Variants in FBXW7 observed in about 807,000 individuals in gnomAD.
FBXW7 encodes the protein F-box/WD repeat-containing protein 7.
Under a neutral mutation model 86.3 loss-of-function variants are expected in FBXW7, and 11 were observed. That is an observed-to-expected ratio of 0.13 (90% CI 0.08 to 0.21). FBXW7 has a LOEUF of 0.21. Among genes scored for constraint, FBXW7 ranks in the 10% least tolerant of loss-of-function variants. The pLI is 1.00. For synonymous variants in FBXW7, 313 were observed against 297.9 expected (o/e 1.05, Z -0.52); for missense variants, 488 against 847.4 (o/e 0.58, Z 5.27).
At chr4:152,324,439 C>T (rs1183238907) in intron 12 of FBXW7, 45 bp from the exon 13 acceptor site, 1 of 1,447,036 alleles carries the variant, frequency 6.9e-7, no homozygotes, top group Admixed American at 2.0e-5. Flanking sequence ...GGATACTCTT[C>T]CTATCAATTA....
intron 6 of FBXW7, among the ~76,000 whole-genome samples, chr4:152,345,182 A>C (rs1190359478): frequency 6.6e-6 from 1 of 152,140 alleles, no homozygotes; most frequent in East Asian, 1.9e-4. Flanking sequence ...TTGACGGATA[A>C]ATTTCCTTTT....
chr4:152,498,708 G>GA (rs1746616028), intron 2 of FBXW7, among the ~76,000 whole-genome samples: 1 of 152,086 alleles, frequency 6.6e-6, no homozygotes, highest in Non-Finnish European at 1.5e-5. Context: ...TTCAGAGGAA[G>GA]AAAAAAATCC....
chr4:152,477,568 A>G (rs1290419609), intron 2 of FBXW7, among the ~76,000 whole-genome samples: 1 of 152,098 alleles, frequency 6.6e-6, no homozygotes, highest in Non-Finnish European at 1.5e-5. Context: ...ACCCATAAAT[A>G]CTCAACCACT....
intron 2 of FBXW7, among the ~76,000 whole-genome samples, chr4:152,528,758 T>A (rs1482573430): frequency 6.6e-6 from 1 of 152,208 alleles, no homozygotes; most frequent in East Asian, 1.9e-4. Flanking sequence ...CATGAGGAAG[T>A]ACCAAGGAGG....
chr4:152,497,318 T>C (rs1425790901), intron 2 of FBXW7, among the ~76,000 whole-genome samples: 1 of 55,740 alleles, frequency 1.8e-5, no homozygotes, highest in African/African-American at 1.0e-4. Context: ...TGAGACTCCA[T>C]CTCAAAAAAA....
At chr4:152,472,058 A>G (rs1230811068) in intron 2 of FBXW7, among the ~76,000 whole-genome samples, 1 of 152,226 alleles carries the variant, frequency 6.6e-6, no homozygotes, top group East Asian at 1.9e-4. Context: ...CCGATTTTTA[A>G]GATAGGCTAA....
intron 7 of FBXW7, 127 bp downstream of exon 7, chr4:152,337,675 C>A: frequency 1.1e-6 from 1 of 925,598 alleles, no homozygotes; most frequent in Non-Finnish European, 1.6e-6. Context: ...CCCTCTTTAC[C>A]ACTAATTAAG....
At chr4:152,499,696 C>G (rs1198620657) in intron 2 of FBXW7, among the ~76,000 whole-genome samples, 1 of 151,984 alleles carries the variant, frequency 6.6e-6, no homozygotes, top group Admixed American at 6.5e-5. Flanking sequence ...CACAGGCTCA[C>G]GCAGCCATGC....
chr4:152,350,139 A>G lies in FBXW7; in HGVS notation c.502-15T>C. 6.8e-7 allele frequency: 1 copy of G among 1,478,782 alleles called. No individual in the cohort carries two copies. Among genetic ancestry groups the G allele is most frequent in the Non-Finnish European group, 9.2e-7 (1 of 1,092,546 alleles). 91.6% of individuals were successfully genotyped at this position (1,478,782 alleles called of 1,614,324 possible). On this transcript the variant is annotated splice_polypyrimidine_tract_variant and intron_variant, in intron 4 of 13. Coordinates refer to ENST00000281708, the MANE Select transcript of FBXW7 (RefSeq NM_001349798.2). The stretch of plus-strand genomic sequence containing the variant: ...TTTCTTTTCATCTATAAGGTAAAAC[A>G]AACAAGATATGTTTTTTAAAAATCG...
At chr4:152,328,183 C>T (rs201534945) in intron 11 of FBXW7, 25 bp downstream of exon 11, 28 of 1,572,270 alleles carry the variant, frequency 1.8e-5, no homozygotes, top group Non-Finnish European at 2.3e-5. Context: ...GAAGAAGTCC[C>T]AACCATGACA....
At chr4:152,323,773 T>G (rs866514526) in intron 13 of FBXW7, 4 of 181,570 alleles carry the variant, frequency 2.2e-5, no homozygotes, top group Middle Eastern at 5.4e-3. Flanking sequence ...CGTGACTAAG[T>G]GGAGGCCAAA....
At chr4:152,479,753 C>A (rs2149667121) in intron 2 of FBXW7, among the ~76,000 whole-genome samples, 2 of 152,208 alleles carry the variant, frequency 1.3e-5, no homozygotes, top group South Asian at 4.1e-4. Flanking sequence ...TAAGTGTGAC[C>A]ACTTAGTTCA....
At chr4:152,516,450 T>C (rs1439729293) in intron 2 of FBXW7, among the ~76,000 whole-genome samples, 1 of 152,092 alleles carries the variant, frequency 6.6e-6, no homozygotes, top group Non-Finnish European at 1.5e-5. Context: ...CCCCACTGCC[T>C]CTCCTTCCCC....
At chr4:152,470,172 A>G (rs1259114718) in intron 2 of FBXW7, among the ~76,000 whole-genome samples, 2 of 152,084 alleles carry the variant, frequency 1.3e-5, no homozygotes, top group Admixed American at 1.3e-4. Flanking sequence ...ATTTTTTCAT[A>G]GCCTTATAAT....
At chr4:152,519,427 A>T (rs1261016498) in intron 2 of FBXW7, among the ~76,000 whole-genome samples, 1 of 152,210 alleles carries the variant, frequency 6.6e-6, no homozygotes, top group African/African-American at 2.4e-5. Context: ...TAGGTTTTCA[A>T]ATCCTAAATA....
At chr4:152,326,333 GCTTT>G in intron 11 of FBXW7, 102 bp from the exon 12 acceptor site, 1 of 644,264 alleles carries the variant, frequency 1.6e-6, no homozygotes, top group Non-Finnish European at 2.5e-6. Context: ...AGGTTTTTTA[GCTTT>G]TTTTTTTTTT....
chr4:152,411,345 G>A lies in FBXW7; in HGVS notation c.459C>T (p.Pro153=), dbSNP rs761688598. ...AGAATGGGGAGGAGAGTTGGTGAAC[G>A]GGCAGGTCCACAATACTACTGGAGT... is the stretch of plus-strand genomic sequence containing the variant. ...VTNSSSIVDL[P]VHQLSSPFYT... The change falls in exon 4 of 14, where the codon CCC becomes CCT. Residue 153 remains proline, a synonymous_variant. Transcript: ENST00000281708. 16 of 1,612,122 alleles carry A rather than the reference G, an allele frequency of 9.9e-6. No individual in the cohort carries two copies. The Middle Eastern group carries it at 4.9e-4, about 50-fold the overall frequency.
At chr4:152,410,175 G>T (rs940957586) in intron 4 of FBXW7, among the ~76,000 whole-genome samples, 15 of 152,158 alleles carry the variant, frequency 9.9e-5, no homozygotes, top group Non-Finnish European at 2.2e-4. Flanking sequence ...AAATAAGTTA[G>T]TGCAATTGGA....
intron 6 of FBXW7, among the ~76,000 whole-genome samples, chr4:152,340,299 C>A (rs1396741569): frequency 6.6e-6 from 1 of 151,914 alleles, no homozygotes; most frequent in Non-Finnish European, 1.5e-5. Context: ...ACTGATAGGC[C>A]CGGTGCAGTG....
Sources: allele counts gnomAD v4.1 joint callset (sites outside exome capture counted in the v4.1 genomes callset), GRCh38; gene constraint gnomAD v4.1.1; transcripts MANE v1.5; gene names NCBI Gene and HGNC (gene_info 2026-07-23, HGNC 2026-07-21).